GAREM2: variants seen among roughly 807,000 people sequenced by gnomAD.
GAREM2 encodes the protein GRB2 associated regulator of MAPK1 subtype 2, also known as GRB2-associated and regulator of MAPK protein 2.
GAREM2 carries 30 observed loss-of-function variants against 55.6 expected under a neutral mutation model. The ratio of observed to expected loss-of-function variants is 0.54; its 90% confidence interval spans 0.40 to 0.73. GAREM2 has a LOEUF of 0.73. Ranked by LOEUF, GAREM2 falls within the 30% of genes least tolerant of loss-of-function variation. The probability of loss-of-function intolerance (pLI) is 0.00; values close to 1 mark genes in which losing one functional copy is unlikely to be tolerated. For synonymous variants in GAREM2, 550 were observed against 569.1 expected, an observed-to-expected ratio of 0.97 and a Z score of 0.48; for missense variants, 1,075 against 1,257.7, an observed-to-expected ratio of 0.85 and a Z score of 2.20.
chr2:26,179,754 C>T lies in GAREM2; in HGVS notation c.254-3213C>T, dbSNP rs1254251959. 6.6e-6 allele frequency among the ~76,000 whole-genome samples: 1 copy of T among 152,106 alleles called. No homozygotes were observed. The highest frequency in any genetic ancestry group is 1.5e-5 in the Non-Finnish European group (1 of 68,006). ...CCTTCCTTCCTCCCGCAGTAATGAC[C>T]GGCGCTGGGCTTCAGGCTGCCGCGG... On this transcript the variant is annotated intron_variant, in intron 2 of 5. Coordinates refer to ENST00000401533, the MANE Select transcript of GAREM2 (RefSeq NM_001168241.2). This position sits in a 1 kb window ranked among gnomAD's most constrained non-coding sequence, Gnocchi z 4.7.
At chr2:26,173,620 C>T (rs1668768723) in intron 1 of GAREM2, among the ~76,000 whole-genome samples, 1 of 152,026 alleles carries the variant, frequency 6.6e-6, no homozygotes, top group Non-Finnish European at 1.5e-5. Context: ...CCTGCTCCCG[C>T]CCCGTCGGTT....
intron 4 of GAREM2, 143 bp from the exon 5 acceptor site, chr2:26,186,046 C>A (rs1222640125): frequency 1.3e-6 from 1 of 744,604 alleles, no homozygotes; most frequent in East Asian, 2.9e-5. Context: ...ACTGGATGAG[C>A]AGTTGGGGTG....
chr2:26,182,725 G>T (rs1669093008), intron 2 of GAREM2, among the ~76,000 whole-genome samples: 1 of 152,174 alleles, frequency 6.6e-6, no homozygotes, highest in African/African-American at 2.4e-5. Context: ...ATACCCACAG[G>T]CTCTCTATGG....
chr2:26,180,906 C>T (rs1299229003), intron 2 of GAREM2: 19 of 985,334 alleles, frequency 1.9e-5, no homozygotes, highest in South Asian at 9.4e-5. Context: ...CGTGAGCCAC[C>T]GTGCCTGGCC....
At position 26,187,671 on chromosome 2, in the gene GAREM2, C is replaced by T. The variant is rs544952908; in HGVS notation, c.2039C>T (p.Pro680Leu). 8 of 1,517,586 alleles carry T rather than the reference C, an allele frequency of 5.3e-6. No homozygotes were observed. Among genetic ancestry groups the T allele is most frequent in the East Asian group, 4.9e-5 (2 of 40,542 alleles). The allele number at this position is 1,517,586 out of a possible 1,614,324, so 94.0% of individuals were successfully genotyped here. The stretch of plus-strand genomic sequence containing the variant: ...GGCCAGGCCTATTCAGCTGCTCCCC[C>T]CTCCTCCTGCGCCCCCTCCTCCTCC... ...SPGQAYSAAPPSSCAPSSSSS... is the reference protein window; with the variant it reads ...SPGQAYSAAPLSSCAPSSSSS... The change falls in exon 6 of 6, where the codon CCC (proline) becomes CTC (leucine). Residue 680 changes from proline to leucine, a missense_variant. By Grantham distance (98) the Pro-to-Leu change is moderately conservative. This residue lies in a region of GAREM2 where 515 missense variants were observed against 501.5 expected (regional missense o/e 1.03). Coordinates refer to ENST00000401533, the MANE Select transcript of GAREM2 (RefSeq NM_001168241.2).
At chr2:26,173,420 G>A in intron 1 of GAREM2, 88 bp downstream of exon 1, 2 of 686,632 alleles carry the variant, frequency 2.9e-6, no homozygotes, top group East Asian at 3.6e-5. Context: ...TGAGGAGGGT[G>A]CGGCACCCGC....
chr2:26,176,771 G>C (rs552280983), intron 2 of GAREM2, among the ~76,000 whole-genome samples: 21 of 152,154 alleles, frequency 1.4e-4, no homozygotes, highest in Admixed American at 5.2e-4. Context: ...CCTAATCAGA[G>C]GCCTTCAGGG....
At chr2:26,199,077 T>C in the GAREM2 span, among the ~76,000 whole-genome samples, 1 of 152,054 alleles carries the variant, frequency 6.6e-6, no homozygotes, top group Non-Finnish European at 1.5e-5. Context: ...TTGTAGTTTT[T>C]AGTAAAGACA....
downstream of GAREM2, chr2:26,191,734 G>T: frequency 8.7e-7 from 1 of 1,153,378 alleles, no homozygotes; most frequent in Non-Finnish European, 1.3e-6. Flanking sequence ...GGAGCTCTGT[G>T]GGCCGGTTGG....
chr2:26,191,243 G>A (rs11552517), downstream of GAREM2: 6 of 1,612,106 alleles, frequency 3.7e-6, no homozygotes, highest in South Asian at 6.6e-5. Context: ...CGAGGCATGA[G>A]GCCTGCTCAC....
chr2:26,192,248 G>T, downstream of GAREM2: 2 of 860,218 alleles, frequency 2.3e-6, no homozygotes, highest in Non-Finnish European at 4.0e-6. Flanking sequence ...AAGAGGGGCT[G>T]GGAAGCTTTG....
chr2:26,201,156 A>G, the GAREM2 span: 2 of 1,611,632 alleles, frequency 1.2e-6, no homozygotes, highest in Non-Finnish European at 1.7e-6. Context: ...TACCGCTTCT[A>G]CTTCCTTTAG....
downstream of GAREM2, chr2:26,192,247 T>G: frequency 2.4e-6 from 2 of 844,476 alleles, no homozygotes. Flanking sequence ...GAAGAGGGGC[T>G]GGGAAGCTTT....
downstream of GAREM2, chr2:26,193,852 C>A (rs1415635513): frequency 2.7e-6 from 3 of 1,120,212 alleles, no homozygotes; most frequent in African/African-American, 3.1e-5. Context: ...TGGCTCCAAA[C>A]ACTGCCTTGT....
chr2:26,187,957 A>G lies in GAREM2; in HGVS notation c.2325A>G (p.Gln775=). ...CGGGAGGAGCACTTTTTCTAACCCA[A>G]GGGCGCCTGGAAGGGCCTCCTGCCA... ...PEAGGALFLT[Q]GRLEGPPASP... The change falls in exon 6 of 6, where the codon CAA becomes CAG. Residue 775 remains glutamine (Q), a synonymous_variant. Transcript: ENST00000401533. 6.9e-7 allele frequency: 1 copy of G among 1,453,588 alleles called. No individual in the cohort carries two copies. Among genetic ancestry groups the G allele is most frequent in the Non-Finnish European group, 9.1e-7 (1 of 1,098,454 alleles). 90.0% of individuals were successfully genotyped at this position (1,453,588 alleles called of 1,614,324 possible). A position where few individuals can be genotyped will look rare whatever the true frequency, so the allele number is the denominator to read the frequency against.
downstream of GAREM2, among the ~76,000 whole-genome samples, chr2:26,194,044 T>C (rs1669589653): frequency 6.6e-6 from 1 of 152,166 alleles, no homozygotes; most frequent in Non-Finnish European, 1.5e-5. Flanking sequence ...TTTCTGAATC[T>C]CAATAATAAG....
At chr2:26,198,499 A>G in the GAREM2 span, among the ~76,000 whole-genome samples, 1 of 151,324 alleles carries the variant, frequency 6.6e-6, no homozygotes, top group Admixed American at 6.6e-5. Flanking sequence ...AGATGGTTGG[A>G]TGAGAAACGT....
downstream of GAREM2, chr2:26,192,546 G>C (rs1669539186): frequency 2.8e-6 from 2 of 723,094 alleles, no homozygotes; most frequent in South Asian, 2.8e-5. Flanking sequence ...CAGCACTTTG[G>C]GAGGCCGAGG....
the GAREM2 span, among the ~76,000 whole-genome samples, chr2:26,199,659 T>A: frequency 6.6e-6 from 1 of 152,210 alleles, no homozygotes; most frequent in Non-Finnish European, 1.5e-5. Context: ...GAAGTTACCC[T>A]GCCAGTTCCA....
Sources: allele counts gnomAD v4.1 joint callset (sites outside exome capture counted in the v4.1 genomes callset), GRCh38; gene constraint gnomAD v4.1.1; regional missense constraint gnomAD v4.1.1; non-coding constraint Gnocchi (gnomAD v3.1); transcripts MANE v1.5; gene names NCBI Gene and HGNC (gene_info 2026-07-23, HGNC 2026-07-21).